Variants in CFH observed in about 807,000 individuals in gnomAD.
CFH encodes complement factor H, also known as H factor 1 (complement).
Under a neutral mutation model 147.3 loss-of-function variants are expected in CFH, and 53 were observed. That is an observed-to-expected ratio of 0.36 (90% CI 0.29 to 0.45). The LOEUF is 0.45. Ranked by LOEUF, CFH falls within the 20% of genes least tolerant of loss-of-function variation. The pLI is 1.00. For synonymous variants in CFH, 536 were observed against 489.4 expected (o/e 1.10, Z -1.26); for missense variants, 1,380 against 1,498.0 (o/e 0.92, Z 1.30).
intron 9 of CFH, among the ~76,000 whole-genome samples, chr1:196,694,504 C>T (rs908489437): frequency 5.3e-5 from 8 of 152,104 alleles, no homozygotes; most frequent in Non-Finnish European, 1.2e-4. Context: ...ATTTATATTC[C>T]TTTGGGTATA....
intron 17 of CFH, among the ~76,000 whole-genome samples, chr1:196,739,090 G>T (rs776988975): frequency 8.5e-5 from 13 of 152,182 alleles, no homozygotes; most frequent in Non-Finnish European, 1.6e-4. Context: ...GCCACAGCTG[G>T]AGCTGAAGCA....
intron 11 of CFH, among the ~76,000 whole-genome samples, chr1:196,717,892 A>C (rs146843429): frequency 1.3e-5 from 2 of 152,116 alleles, no homozygotes; most frequent in African/African-American, 4.8e-5. Flanking sequence ...ACTTTGTGAC[A>C]GGAGATGGGA....
chr1:196,721,462 G>T (rs1005014204), intron 11 of CFH, among the ~76,000 whole-genome samples: 1 of 151,958 alleles, frequency 6.6e-6, no homozygotes, highest in Non-Finnish European at 1.5e-5. Flanking sequence ...TTGCTTTGTA[G>T]CTGTAGCCTA....
At chr1:196,689,898 T>C (rs1397430028) in intron 8 of CFH, among the ~76,000 whole-genome samples, 165 bp from the exon 9 acceptor site, 1 of 152,140 alleles carries the variant, frequency 6.6e-6, no homozygotes, top group Non-Finnish European at 1.5e-5. Flanking sequence ...TATTTCTTTT[T>C]GTGCAAACCT....
chr1:196,714,829 T>G (rs1345727068), intron 10 of CFH, among the ~76,000 whole-genome samples: 1 of 150,160 alleles, frequency 6.7e-6, no homozygotes, highest in East Asian at 2.0e-4. Flanking sequence ...GCCTCCTGAA[T>G]AGCTGGGATT....
intron 17 of CFH, 39 bp downstream of exon 17, chr1:196,737,699 G>A: frequency 1.3e-6 from 2 of 1,550,694 alleles, no homozygotes; most frequent in East Asian, 4.5e-5. Flanking sequence ...GTTTATAGTA[G>A]AATTCATAAA....
At chr1:196,653,899 G>A (rs1045445395) in intron 1 of CFH, among the ~76,000 whole-genome samples, 3 of 152,032 alleles carry the variant, frequency 2.0e-5, no homozygotes, top group Admixed American at 1.3e-4. Context: ...GCTTAGGCCA[G>A]CCTCATAATT....
chr1:196,672,440 G>A (rs1197864974), intron 1 of CFH, among the ~76,000 whole-genome samples: 1 of 152,064 alleles, frequency 6.6e-6, no homozygotes, highest in Non-Finnish European at 1.5e-5. Context: ...TATCTTATTT[G>A]GAGTGCCTGT....
intron 9 of CFH, among the ~76,000 whole-genome samples, chr1:196,712,617 A>G (rs1412606778): frequency 6.6e-6 from 1 of 151,048 alleles, no homozygotes; most frequent in Non-Finnish European, 1.5e-5. Context: ...GGTTATTATT[A>G]TTATTATTAT....
At chr1:196,653,913 A>C (rs972378751) in intron 1 of CFH, among the ~76,000 whole-genome samples, 1 of 152,126 alleles carries the variant, frequency 6.6e-6, no homozygotes, top group East Asian at 1.9e-4. Flanking sequence ...CATAATTTTC[A>C]TAAAAGCACA....
At chr1:196,693,376 T>C (rs1378139280) in intron 9 of CFH, among the ~76,000 whole-genome samples, 20 of 152,124 alleles carry the variant, frequency 1.3e-4, no homozygotes, top group Admixed American at 1.3e-3. Context: ...TGAATGATTC[T>C]TCTGAAGATA....
intron 10 of CFH, among the ~76,000 whole-genome samples, chr1:196,714,664 T>TAGAG (rs1668816023): frequency 2.2e-4 from 7 of 31,792 alleles, no homozygotes; most frequent in South Asian, 1.8e-3. Context: ...TATATATATA[T>TAGAG]ATATAGAGAG....
At chr1:196,677,728 C>A in intron 5 of CFH, 61 bp downstream of exon 5, 1 of 1,431,676 alleles carries the variant, frequency 7.0e-7, no homozygotes, top group Non-Finnish European at 9.8e-7. Flanking sequence ...ACATTTAAAA[C>A]ATCGTTCATT....
intron 9 of CFH, among the ~76,000 whole-genome samples, chr1:196,692,798 C>CTT (rs1222587264): frequency 1.9e-4 from 13 of 68,532 alleles, no homozygotes; most frequent in Non-Finnish European, 2.6e-4. Context: ...TTCTTTCTTT[C>CTT]TTTCTTTCTT....
intron 9 of CFH, among the ~76,000 whole-genome samples, chr1:196,702,122 C>T (rs1032360687): frequency 5.9e-5 from 9 of 152,122 alleles, no homozygotes; most frequent in African/African-American, 1.9e-4. Context: ...AAAGATGATG[C>T]TATGATGGTT....
intron 9 of CFH, among the ~76,000 whole-genome samples, chr1:196,706,725 AC>A (rs1668598921): frequency 6.6e-6 from 1 of 152,104 alleles, no homozygotes; most frequent in Non-Finnish European, 1.5e-5. Context: ...TTTGGGACAC[AC>A]TTAAAGAAGA....
At position 196,737,563 on chromosome 1, in the gene CFH, T is replaced by A; in HGVS notation, c.2685T>A (p.Thr895=). 1 of 1,613,320 alleles carries A rather than the reference T, an allele frequency of 6.2e-7. No individual in the cohort carries two copies. The highest frequency in any genetic ancestry group is 2.2e-5 in the East Asian group (1 of 44,740). The change falls in exon 17 of 22, where the codon ACT becomes ACA. Residue 895 remains threonine (T), a synonymous_variant. Transcript: ENST00000367429. ...CACAAGAAAGTTATGCACATGGGAC[T>A]AAATTGAGTTATACTTGTGAGGGTG... The part of the protein sequence containing the change: ...RSSQESYAHG[T]KLSYTCEGGF...
At position 196,725,212 on chromosome 1, in the gene CFH, C is replaced by T. The variant is rs1270500405; in HGVS notation, c.1788C>T (p.Ser596=). The change falls in exon 12 of 22, where the codon TCC becomes TCT. Residue 596 remains serine, a synonymous_variant. Transcript: ENST00000367429. ...AAGTTGGAGAGGTGTTGAAATTCTC[C>T]TGCAAACCAGGATTTACAATAGTTG... The part of the protein sequence containing the change: ...QYKVGEVLKF[S]CKPGFTIVGP... 2 of 1,613,910 alleles carry T rather than the reference C, an allele frequency of 1.2e-6. No homozygotes were observed. The highest frequency in any genetic ancestry group is 1.7e-5 in the Admixed American group (1 of 60,018).
intron 15 of CFH, among the ~76,000 whole-genome samples, chr1:196,732,198 T>C (rs750351787): frequency 2.0e-5 from 3 of 152,034 alleles, no homozygotes; most frequent in Non-Finnish European, 4.4e-5. Context: ...TTATTTTGGT[T>C]CTCAGATTTG....
Sources: allele counts gnomAD v4.1 joint callset (sites outside exome capture counted in the v4.1 genomes callset), GRCh38; gene constraint gnomAD v4.1.1; transcripts MANE v1.5; gene names NCBI Gene and HGNC (gene_info 2026-07-23, HGNC 2026-07-21).